Variants in SDK1 observed in about 807,000 individuals in gnomAD.
SDK1 encodes sidekick cell adhesion molecule 1, also known as protein sidekick-1.
Under a neutral mutation model 245.5 loss-of-function variants are expected in SDK1, and 157 were observed. The observed-to-expected ratio is 0.64, with a 90% CI of 0.56 to 0.73. SDK1 has a LOEUF of 0.73. Among genes scored for constraint, SDK1 ranks in the 30% least tolerant of loss-of-function variants. The probability of loss-of-function intolerance (pLI) is 0.00; values close to 1 mark genes in which losing one functional copy is unlikely to be tolerated. For synonymous variants in SDK1, 1,647 were observed against 1,278.5 expected (o/e 1.29, Z -6.15); for missense variants, 3,583 against 3,002.3 (o/e 1.19, Z -4.52).
At chr7:3,609,514 C>T (rs897927116) in intron 1 of SDK1, among the ~76,000 whole-genome samples, 5 of 152,124 alleles carry the variant, frequency 3.3e-5, no homozygotes. Context: ...GATTCTCCTG[C>T]CTCAGCCTCC....
intron 1 of SDK1, among the ~76,000 whole-genome samples, chr7:3,335,857 C>G (rs992203539): frequency 2.0e-5 from 3 of 151,008 alleles, no homozygotes; most frequent in Admixed American, 2.0e-4. Flanking sequence ...CCCCATTTCT[C>G]TCTACCCTCT....
intron 1 of SDK1, among the ~76,000 whole-genome samples, chr7:3,340,676 T>G (rs1474876258): frequency 6.7e-6 from 1 of 149,400 alleles, no homozygotes; most frequent in African/African-American, 2.5e-5. Context: ...GGCAGGAGAA[T>G]GGCATGAACC....
At chr7:4,038,855 G>A (rs989529673) in intron 17 of SDK1, among the ~76,000 whole-genome samples, 1 of 152,120 alleles carries the variant, frequency 6.6e-6, no homozygotes, top group Non-Finnish European at 1.5e-5. Context: ...GAAAGGTGCT[G>A]GCATAATTTG....
At chr7:3,776,953 C>T (rs1358504927) in intron 4 of SDK1, among the ~76,000 whole-genome samples, 1 of 152,110 alleles carries the variant, frequency 6.6e-6, no homozygotes, top group South Asian at 2.1e-4. Flanking sequence ...GGACTGTGAT[C>T]CAGGAAGAAA....
intron 1 of SDK1, among the ~76,000 whole-genome samples, chr7:3,609,351 T>G (rs1204115568): frequency 1.3e-5 from 2 of 152,166 alleles, no homozygotes; most frequent in Non-Finnish European, 2.9e-5. Flanking sequence ...AGGGGTTAAG[T>G]AGATTGTCCA....
chr7:3,985,515 A>C (rs767842641), intron 13 of SDK1, among the ~76,000 whole-genome samples: 1 of 152,206 alleles, frequency 6.6e-6, no homozygotes, highest in Admixed American at 6.5e-5. Flanking sequence ...GCCCAGGTGC[A>C]GTGGCTCATG....
At chr7:4,202,000 A>G (rs944554471) in intron 35 of SDK1, among the ~76,000 whole-genome samples, 1 of 151,946 alleles carries the variant, frequency 6.6e-6, no homozygotes, top group African/African-American at 2.4e-5. Context: ...TTCTCCTTCC[A>G]TCTCTATAGT....
intron 27 of SDK1, chr7:4,130,306 A>G (rs531458281): frequency 3.8e-5 from 23 of 598,816 alleles, no homozygotes; most frequent in African/African-American, 3.7e-4. Context: ...CCTAATTATG[A>G]ACCTGTACTG....
At chr7:3,485,683 G>GTTTTTTTTTGTTTTTTTT (rs1781666402) in intron 1 of SDK1, among the ~76,000 whole-genome samples, 1 of 38,178 alleles carries the variant, frequency 2.6e-5, no homozygotes, top group Non-Finnish European at 4.5e-5. Context: ...TCTTTGGAGG[G>GTTTTTTTTTGTTTTTTTT]TTTTTTTTTT....
chr7:4,020,728 C>T (rs1040731317), intron 17 of SDK1, among the ~76,000 whole-genome samples: 1 of 152,152 alleles, frequency 6.6e-6, no homozygotes, highest in Non-Finnish European at 1.5e-5. Context: ...CAGAAAGAGC[C>T]CTTCCTGGGA....
intron 5 of SDK1, among the ~76,000 whole-genome samples, chr7:3,939,975 A>C (rs1183311022): frequency 1.3e-5 from 2 of 152,242 alleles, no homozygotes; most frequent in African/African-American, 4.8e-5. Context: ...CCACCAGTGC[A>C]CCTTGAGACG....
At chr7:4,004,030 T>G (rs1459352962) in intron 14 of SDK1, among the ~76,000 whole-genome samples, 1 of 152,248 alleles carries the variant, frequency 6.6e-6, no homozygotes, top group Non-Finnish European at 1.5e-5. Flanking sequence ...ACCCTGAGCC[T>G]TCACTCCATC....
intron 1 of SDK1, among the ~76,000 whole-genome samples, chr7:3,568,922 T>C (rs1267223912): frequency 6.6e-6 from 1 of 152,192 alleles, no homozygotes; most frequent in Non-Finnish European, 1.5e-5. Context: ...CAATTTGCTT[T>C]AGTATCTTTA....
intron 4 of SDK1, among the ~76,000 whole-genome samples, chr7:3,769,034 C>T (rs1780333958): frequency 6.6e-6 from 1 of 152,072 alleles, no homozygotes; most frequent in Non-Finnish European, 1.5e-5. Context: ...CTCTTGGTGC[C>T]CTAAAACCTT....
At chr7:4,002,730 A>G (rs1785164797) in intron 14 of SDK1, among the ~76,000 whole-genome samples, 1 of 152,202 alleles carries the variant, frequency 6.6e-6, no homozygotes, top group African/African-American at 2.4e-5. Flanking sequence ...TTACCCCTTT[A>G]AGGTGGAAAA....
chr7:3,718,519 C>T (rs988480106), intron 4 of SDK1, among the ~76,000 whole-genome samples: 1 of 131,726 alleles, frequency 7.6e-6, no homozygotes, highest in Non-Finnish European at 1.6e-5. Context: ...AAAACTGTAT[C>T]TCAATAAATA....
chr7:3,602,998 GC>G (rs1313282018), intron 1 of SDK1, among the ~76,000 whole-genome samples: 1 of 152,150 alleles, frequency 6.6e-6, no homozygotes, highest in Non-Finnish European at 1.5e-5. Flanking sequence ...AGATATACAT[GC>G]AGCATTATTT....
Position 3,334,150 on chromosome 7 carries a change from C to T in SDK1, c.298+32266C>T, listed in dbSNP as rs190913894. On this transcript the variant is annotated intron_variant, in intron 1 of 44. Transcript: ENST00000404826. ...GCAGAACCCCAATGTGGTTTTTCAG[C>T]TTTCCAGACTCTGCAGAGCTAGAAG... Among the ~76,000 whole-genome samples, 29 of 152,348 alleles carry T rather than the reference C, an allele frequency of 1.9e-4. No homozygotes were observed. In the East Asian group the frequency reaches 5.6e-3, roughly 29 times the overall value.
At chr7:3,758,372 C>A (rs1779997769) in intron 4 of SDK1, among the ~76,000 whole-genome samples, 1 of 152,062 alleles carries the variant, frequency 6.6e-6, no homozygotes, top group Non-Finnish European at 1.5e-5. Context: ...GTCCCATCTC[C>A]CATTTATATA....
Sources: allele counts gnomAD v4.1 joint callset (sites outside exome capture counted in the v4.1 genomes callset), GRCh38; gene constraint gnomAD v4.1.1; transcripts MANE v1.5; gene names NCBI Gene and HGNC (gene_info 2026-07-23, HGNC 2026-07-21).